KRT86: variants seen among roughly 807,000 people sequenced by gnomAD.
KRT86 encodes keratin 86, also known as keratin, type II cuticular Hb6.
In KRT86, 30 loss-of-function variants were observed where a neutral mutation model predicts 41.2. That is an observed-to-expected ratio of 0.73 (90% CI 0.54 to 0.99). The LOEUF (loss-of-function observed/expected upper bound fraction) is 0.99, where lower values mean the gene tolerates loss of function less well. Among genes scored for constraint, KRT86 ranks in the 50% least tolerant of loss-of-function variants. KRT86 has a pLI of 0.00. For missense variants in KRT86, 561 were observed against 571.4 expected (o/e 0.98, Z 0.19); for synonymous variants, 238 against 238.1 (o/e 1.00, Z 0.00).
Position 52,308,746 on chromosome 12 carries a change from G to A in KRT86, c.*161G>A, listed in dbSNP as rs768815810. 8.1e-5 allele frequency: 54 copies of A among 666,994 alleles called. No individual in the cohort carries two copies. Among genetic ancestry groups the A allele is most frequent in the Non-Finnish European group, 1.3e-4 (51 of 395,366 alleles). The allele number at this position is 666,994 out of a possible 1,614,324, so 41.3% of individuals were successfully genotyped here. ...CGCTCCGCTCCGGGAGCCATCCCCG[G>A]TCGCAGGAGTCCGGGGAGGGCCGGG... On this transcript the variant is annotated 3_prime_UTR_variant, in exon 11 of 11. Transcript: ENST00000423955.
chr12:52,276,253 G>A (rs184797324), intron 2 of KRT86, among the ~76,000 whole-genome samples: 1 of 152,262 alleles, frequency 6.6e-6, no homozygotes, highest in East Asian at 1.9e-4. Context: ...TTCTCGCTCA[G>A]TATTACATTT....
At chr12:52,284,230 C>T (rs1247892026) in intron 2 of KRT86, among the ~76,000 whole-genome samples, 3 of 152,100 alleles carry the variant, frequency 2.0e-5, no homozygotes, top group East Asian at 1.9e-4. Context: ...CTTGCTGTGT[C>T]GCCCACGCTG....
chr12:52,288,573 C>G, intron 2 of KRT86: 1 of 1,214,734 alleles, frequency 8.2e-7, no homozygotes, highest in South Asian at 1.2e-5. Context: ...GTCCCATTCC[C>G]ATGCCTTTCC....
intron 2 of KRT86, among the ~76,000 whole-genome samples, chr12:52,299,319 C>T (rs1039995724): frequency 6.6e-6 from 1 of 152,180 alleles, no homozygotes; most frequent in African/African-American, 2.4e-5. Context: ...CATTGTGTAT[C>T]TGTAACATAC....
At chr12:52,291,102 C>T (rs1356259575) in intron 2 of KRT86, 6 of 707,724 alleles carry the variant, frequency 8.5e-6, no homozygotes, top group South Asian at 7.6e-5. Context: ...CCCACCTTGT[C>T]GATGAAGGCC....
chr12:52,288,541 C>T (rs1938040460), intron 2 of KRT86: 1 of 1,527,162 alleles, frequency 6.5e-7, no homozygotes, highest in East Asian at 2.3e-5. Flanking sequence ...TTCCATGTAG[C>T]CAGGGGAAAG....
chr12:52,299,327 T>C (rs898333628), intron 2 of KRT86, among the ~76,000 whole-genome samples: 2 of 152,260 alleles, frequency 1.3e-5, no homozygotes, highest in African/African-American at 2.4e-5. Flanking sequence ...ATCTGTAACA[T>C]ACTTTCTTTA....
chr12:52,276,580 AG>A (rs5798206), intron 2 of KRT86, among the ~76,000 whole-genome samples: 44,998 of 152,026 alleles, frequency 0.3, 7,209 homozygotes, highest in Middle Eastern at 0.41. Flanking sequence ...GAGAAATGCA[AG>A]TCTGAAAATA....
At chr12:52,296,265 C>G (rs566640734) in intron 2 of KRT86, among the ~76,000 whole-genome samples, 24 of 151,994 alleles carry the variant, frequency 1.6e-4, no homozygotes, top group African/African-American at 5.8e-4. Context: ...AACTGGAGGA[C>G]AGTGGAGGAA....
chr12:52,286,232 G>T (rs1355744088), intron 2 of KRT86: 1 of 1,543,650 alleles, frequency 6.5e-7, no homozygotes, highest in East Asian at 2.4e-5. Context: ...GATGCCTGGG[G>T]CCTGGGACTT....
chr12:52,306,373 T>G (rs1938519565), intron 9 of KRT86, 93 bp downstream of exon 9: 1 of 1,592,058 alleles, frequency 6.3e-7, no homozygotes, highest in African/African-American at 1.3e-5. Context: ...GTTTTGTTTC[T>G]TAACCTCCCC....
At chr12:52,275,372 C>T (rs1942542462) in intron 1 of KRT86, among the ~76,000 whole-genome samples, 2 of 152,182 alleles carry the variant, frequency 1.3e-5, no homozygotes, top group African/African-American at 4.8e-5. Context: ...AAATTAAGGA[C>T]ATTTCTTCCT....
At chr12:52,295,808 G>A (rs1397651864) in intron 2 of KRT86, among the ~76,000 whole-genome samples, 1 of 152,148 alleles carries the variant, frequency 6.6e-6, no homozygotes, top group East Asian at 1.9e-4. Context: ...CTGAGTAATG[G>A]AGCCATCAAA....
chr12:52,280,967 C>T (rs551832007), intron 2 of KRT86, among the ~76,000 whole-genome samples: 10 of 152,156 alleles, frequency 6.6e-5, no homozygotes, highest in Non-Finnish European at 8.8e-5. Context: ...TTTCAAATAC[C>T]GAACCTGGAC....
At chr12:52,308,181 G>T in intron 9 of KRT86, 52 bp from the exon 10 acceptor site, 1 of 1,613,580 alleles carries the variant, frequency 6.2e-7, no homozygotes, top group Non-Finnish European at 8.5e-7. Context: ...TTCAGTCACG[G>T]GGGCCCGGCG....
At chr12:52,285,887 T>C (rs1592420854) in intron 2 of KRT86, 3 of 338,214 alleles carry the variant, frequency 8.9e-6, no homozygotes, top group South Asian at 8.3e-5. Context: ...CTGAGGAGGG[T>C]AATAGAGACA....
In KRT86 at chr12:52,281,807, T is replaced by G. The variant is rs1035018485; in HGVS notation, c.-5+5861T>G. 5.9e-5 allele frequency among the ~76,000 whole-genome samples: 9 copies of G among 152,198 alleles called. No individual in the cohort carries two copies. In the East Asian group the frequency reaches 1.7e-3, roughly 29 times the overall value. On this transcript the variant is annotated intron_variant, in intron 2 of 10. Transcript: ENST00000423955. ...AGGCTAGAGTGCAGTGGCAGGATTATAGCTCACTGCAGCCTCAACCTCCTG... is the reference window on the plus strand; with the variant it reads ...AGGCTAGAGTGCAGTGGCAGGATTAGAGCTCACTGCAGCCTCAACCTCCTG...
At chr12:52,296,023 C>T (rs1242781837) in intron 2 of KRT86, among the ~76,000 whole-genome samples, 3 of 151,854 alleles carry the variant, frequency 2.0e-5, no homozygotes, top group African/African-American at 7.3e-5. Context: ...GGAAAGTCAG[C>T]CAATGAGAAC....
At chr12:52,276,095 G>A in intron 2 of KRT86, 149 bp downstream of exon 2, 1 of 837,008 alleles carries the variant, frequency 1.2e-6, no homozygotes, top group Non-Finnish European at 1.4e-6. Context: ...GCAGCTGCAT[G>A]CATATATCAT....
Sources: gnomAD v4.1 joint callset for allele counts (sites outside exome capture counted in the v4.1 genomes callset) on GRCh38, gnomAD v4.1.1 for gene constraint, MANE v1.5 for transcripts, NCBI Gene and HGNC (gene_info 2026-07-23, HGNC 2026-07-21) for gene names.